The following PAK1 variants were observed in gnomAD, a reference collection of about 807,000 sequenced individuals.
PAK1 encodes the protein p21 (RAC1) activated kinase 1.
Under a neutral mutation model 67.4 loss-of-function variants are expected in PAK1, and 29 were observed. The ratio of observed to expected loss-of-function variants is 0.43; its 90% confidence interval spans 0.32 to 0.59. The LOEUF (loss-of-function observed/expected upper bound fraction) is 0.59, where lower values mean the gene tolerates loss of function less well. Among genes scored for constraint, PAK1 ranks in the 20% least tolerant of loss-of-function variants. The pLI is 0.07. For missense variants in PAK1, 337 were observed against 670.7 expected (o/e 0.50, Z 5.50); for synonymous variants, 223 against 237.4 (o/e 0.94, Z 0.56).
intron 5 of PAK1, among the ~76,000 whole-genome samples, chr11:77,360,748 C>T (rs899003435): frequency 1.3e-5 from 2 of 152,172 alleles, no homozygotes; most frequent in East Asian, 3.9e-4. Flanking sequence ...CAGATTTTTA[C>T]TTCTTAGCCC....
intron 1 of PAK1, among the ~76,000 whole-genome samples, chr11:77,410,623 C>G (rs1376633641): frequency 1.4e-5 from 2 of 146,850 alleles, no homozygotes; most frequent in East Asian, 3.9e-4. Flanking sequence ...ACTGGCTACA[C>G]AGGGGGAGAA....
intron 11 of PAK1, among the ~76,000 whole-genome samples, 159 bp from the exon 12 acceptor site, chr11:77,337,582 T>C (rs1942913094): frequency 6.6e-6 from 1 of 152,188 alleles, no homozygotes. Context: ...CAGAGCCAGA[T>C]CTAGAAACAA....
the PAK1 span, among the ~76,000 whole-genome samples, chr11:77,502,730 C>T: frequency 3.3e-5 from 5 of 152,094 alleles, no homozygotes; most frequent in African/African-American, 1.2e-4. Flanking sequence ...AGCAGCTGTC[C>T]CACTCCACCA....
chr11:77,439,768 G>A (rs1480336728), intron 1 of PAK1, among the ~76,000 whole-genome samples: 1 of 152,000 alleles, frequency 6.6e-6, no homozygotes, highest in African/African-American at 2.4e-5. Flanking sequence ...AGGGAAAGAG[G>A]ACTAAATTGT....
intron 1 of PAK1, among the ~76,000 whole-genome samples, chr11:77,403,230 T>C (rs1952956991): frequency 6.6e-6 from 1 of 152,200 alleles, no homozygotes; most frequent in African/African-American, 2.4e-5. Context: ...TCGCACATCT[T>C]TGCAGACTAC....
Position 77,426,078 on chromosome 11 carries a change from CTTTTTTT to C in PAK1, c.-21-33544_-21-33538del, listed in dbSNP as rs35602138. Among the ~76,000 whole-genome samples, 14 of 117,222 alleles carry C rather than the reference CTTTTTTT, an allele frequency of 1.2e-4. No homozygotes were observed. The South Asian group carries it at 2.4e-3, about 20-fold the overall frequency. The allele number at this position is 117,222 out of a possible 152,430, so 76.9% of individuals were successfully genotyped here. A position where few individuals can be genotyped will look rare whatever the true frequency, so the allele number is the denominator to read the frequency against. On this transcript the variant is annotated intron_variant, in intron 1 of 14. Transcript: ENST00000356341. ...TTCTTGACTTTTCAATTGAAGGCCTCTTTTTTTTTTTTTTTTTTTTTTTACACCACAC... is the reference window on the plus strand; with the variant it reads ...TTCTTGACTTTTCAATTGAAGGCCTCTTTTTTTTTTTTTTTTACACCACAC...
the PAK1 span, among the ~76,000 whole-genome samples, chr11:77,500,265 G>A: frequency 1.3e-5 from 2 of 151,854 alleles, no homozygotes; most frequent in African/African-American, 4.8e-5. Flanking sequence ...TCAGGAGTTC[G>A]AGACCAGCCT....
chr11:77,333,194 CTTTTTTTTTTTTT>C (rs886805892), intron 13 of PAK1, among the ~76,000 whole-genome samples: 1 of 127,154 alleles, frequency 7.9e-6, no homozygotes, highest in Non-Finnish European at 1.7e-5. Flanking sequence ...TCTTCTTCTT[CTTTTTTTTTTTTT>C]TTTTTTTTGA....
chr11:77,464,940 C>A (rs1192543199), intron 1 of PAK1, among the ~76,000 whole-genome samples: 1 of 152,040 alleles, frequency 6.6e-6, no homozygotes, highest in Non-Finnish European at 1.5e-5. Context: ...TTAAGTTGAA[C>A]CCCTGTAAGT....
At chr11:77,412,497 G>C (rs771131355) in intron 1 of PAK1, among the ~76,000 whole-genome samples, 1 of 152,062 alleles carries the variant, frequency 6.6e-6, no homozygotes, top group Non-Finnish European at 1.5e-5. Flanking sequence ...GTTGGATCTT[G>C]ACTCACTGCA....
chr11:77,362,821 G>A (rs951279476), intron 5 of PAK1, among the ~76,000 whole-genome samples: 1 of 152,132 alleles, frequency 6.6e-6, no homozygotes, highest in African/African-American at 2.4e-5. Context: ...CTAAATGATG[G>A]GGCACTCAGT....
At chr11:77,487,693 G>A in the PAK1 span, among the ~76,000 whole-genome samples, 1 of 152,190 alleles carries the variant, frequency 6.6e-6, no homozygotes, top group East Asian at 1.9e-4. Context: ...GCCACAGGGA[G>A]AGATTCTTCT....
At chr11:77,386,404 A>C (rs939231574) in intron 2 of PAK1, among the ~76,000 whole-genome samples, 1 of 152,200 alleles carries the variant, frequency 6.6e-6, no homozygotes, top group Non-Finnish European at 1.5e-5. Flanking sequence ...AGCCAGAAAA[A>C]GATTTCAAAC....
chr11:77,419,393 C>T (rs141032435), intron 1 of PAK1, among the ~76,000 whole-genome samples: 40 of 152,296 alleles, frequency 2.6e-4, no homozygotes, highest in Admixed American at 2.5e-3. Context: ...TCTTATAAGT[C>T]ATGGACCTTG....
At chr11:77,467,444 G>A (rs1279252637) in intron 1 of PAK1, among the ~76,000 whole-genome samples, 1 of 152,194 alleles carries the variant, frequency 6.6e-6, no homozygotes, top group Non-Finnish European at 1.5e-5. Context: ...AATGCCTGAT[G>A]CATAATATGT....
At chr11:77,386,658 G>A (rs1950483754) in intron 2 of PAK1, among the ~76,000 whole-genome samples, 2 of 152,080 alleles carry the variant, frequency 1.3e-5, no homozygotes, top group Non-Finnish European at 2.9e-5. Context: ...CATTACTACA[G>A]CCTACAGATC....
the PAK1 span, among the ~76,000 whole-genome samples, chr11:77,496,492 G>A: frequency 6.6e-6 from 1 of 152,078 alleles, no homozygotes; most frequent in East Asian, 1.9e-4. Flanking sequence ...CAGCGTGGTG[G>A]TGCACGCTTG....
chr11:77,499,632 A>G, the PAK1 span, among the ~76,000 whole-genome samples: 1 of 152,260 alleles, frequency 6.6e-6, no homozygotes, highest in East Asian at 1.9e-4. Flanking sequence ...CTGCCTCTTA[A>G]GTATTCCAGT....
At position 77,473,966 on chromosome 11, in the gene PAK1, T is replaced by C. The variant is rs1958001419; in HGVS notation, c.-436A>G. 1.0e-5 allele frequency: 1 copy of C among 96,004 alleles called. No individual in the cohort carries two copies. The highest frequency in any genetic ancestry group is 2.8e-4 in the East Asian group (1 of 3,562). 5.9% of individuals were successfully genotyped at this position (96,004 alleles called of 1,614,324 possible). A position where few individuals can be genotyped will look rare whatever the true frequency, so the allele number is the denominator to read the frequency against. The stretch of plus-strand genomic sequence containing the variant: ...TGCAGAGCCTGTGAGGGAAGCGCGA[T>C]GGGCGAGCGAGGGGGCGGGAGCGTG... On this transcript the variant is annotated 5_prime_UTR_variant, in exon 1 of 15. Coordinates refer to ENST00000356341, the MANE Select transcript of PAK1 (RefSeq NM_002576.5).
Sources: allele counts gnomAD v4.1 joint callset (sites outside exome capture counted in the v4.1 genomes callset), GRCh38; gene constraint gnomAD v4.1.1; transcripts MANE v1.5; gene names NCBI Gene and HGNC (gene_info 2026-07-23, HGNC 2026-07-21).